KAZN: variants seen among roughly 807,000 people sequenced by gnomAD.
KAZN encodes the protein kazrin.
A neutral mutation model predicts 87.4 loss-of-function variants in KAZN; 40 were observed. That is an observed-to-expected ratio of 0.46 (90% CI 0.36 to 0.60). The LOEUF (loss-of-function observed/expected upper bound fraction) is 0.60, where lower values mean the gene tolerates loss of function less well. Among genes scored for constraint, KAZN ranks in the 20% least tolerant of loss-of-function variants. KAZN has a pLI of 0.00. For synonymous variants in KAZN, 466 were observed against 458.3 expected (o/e 1.02, Z -0.22); for missense variants, 898 against 1,073.9 (o/e 0.84, Z 2.29).
In KAZN at chr1:14,986,919, G is replaced by A. The variant is rs560880164; in HGVS notation, c.418+26044G>A. On this transcript the variant is annotated intron_variant, in intron 2 of 14. Transcript: ENST00000376030. The stretch of plus-strand genomic sequence containing the variant: ...TCTATCCAATTTAATCAAATTCACG[G>A]TAGCAGGCACTCTGCCAGGTGTCAG... Among the ~76,000 whole-genome samples, 5 of 152,124 alleles carry A rather than the reference G, an allele frequency of 3.3e-5. No individual in the cohort carries two copies. In the South Asian group the frequency reaches 8.3e-4, roughly 25 times the overall value.
intron 1 of KAZN, among the ~76,000 whole-genome samples, chr1:14,050,733 C>T (rs1557434013): frequency 1.3e-5 from 2 of 152,174 alleles, no homozygotes; most frequent in Non-Finnish European, 2.9e-5. Flanking sequence ...CCTCCACTTC[C>T]CCCATTGAGC....
At chr1:14,658,660 C>G (rs1246310715) in intron 1 of KAZN, among the ~76,000 whole-genome samples, 9 of 148,288 alleles carry the variant, frequency 6.1e-5, no homozygotes. Flanking sequence ...GTTTGGCTCT[C>G]TAAGCCATCT....
intron 2 of KAZN, among the ~76,000 whole-genome samples, chr1:15,006,066 T>C (rs1263494698): frequency 6.6e-6 from 1 of 152,160 alleles, no homozygotes; most frequent in Non-Finnish European, 1.5e-5. Flanking sequence ...TCAGAGACAG[T>C]TCCCACCCCC....
intron 2 of KAZN, among the ~76,000 whole-genome samples, chr1:14,422,609 C>T (rs1665497752): frequency 6.6e-6 from 1 of 152,220 alleles, no homozygotes; most frequent in African/African-American, 2.4e-5. Context: ...CAGCTGCCCC[C>T]TGAAGGGTTG....
chr1:14,937,319 G>A (rs10927586), intron 1 of KAZN, among the ~76,000 whole-genome samples: 25,004 of 152,094 alleles, frequency 0.16, 2,235 homozygotes, highest in Admixed American at 0.24. Flanking sequence ...CTTGGGGCCA[G>A]CTCCCTTTCT....
intron 2 of KAZN, among the ~76,000 whole-genome samples, chr1:14,406,208 C>G (rs569994603): frequency 6.6e-6 from 1 of 152,042 alleles, no homozygotes; most frequent in Admixed American, 6.6e-5. Context: ...ATCTCAGGTA[C>G]CCCCTACATA....
At chr1:14,455,639 T>C (rs916481187) in intron 2 of KAZN, among the ~76,000 whole-genome samples, 1 of 152,190 alleles carries the variant, frequency 6.6e-6, no homozygotes, top group African/African-American at 2.4e-5. Context: ...CATGTGGTGT[T>C]CCAGAAGAGA....
At chr1:14,064,449 C>G (rs897980710) in intron 1 of KAZN, among the ~76,000 whole-genome samples, 1 of 152,246 alleles carries the variant, frequency 6.6e-6, no homozygotes, top group South Asian at 2.1e-4. Flanking sequence ...GCTGCAGCCT[C>G]TCAGACTTGG....
chr1:15,099,627 G>A lies in KAZN; in HGVS notation c.1548-1916G>A, dbSNP rs1025368129. 1.3e-5 allele frequency among the ~76,000 whole-genome samples: 2 copies of A among 152,184 alleles called. No homozygotes were observed. The highest frequency in any genetic ancestry group is 6.5e-5 in the Admixed American group (1 of 15,282). On this transcript the variant is annotated intron_variant, in intron 10 of 14. Transcript: ENST00000376030. This position sits in a 1 kb window ranked among gnomAD's most constrained non-coding sequence, Gnocchi z 5.4. ...ATGTGCGTTGGGGGAGGGGAAGTCA[G>A]CCAGGGCCAGTGCAGGTGACCCTTG... is the stretch of plus-strand genomic sequence containing the variant.
chr1:14,438,826 C>T (rs1187495980), intron 2 of KAZN, among the ~76,000 whole-genome samples: 2 of 152,226 alleles, frequency 1.3e-5, no homozygotes, highest in African/African-American at 2.4e-5. Context: ...CAAAGTTCCT[C>T]GTGGCTGATA....
At chr1:14,819,166 T>C (rs1298821788) in intron 1 of KAZN, among the ~76,000 whole-genome samples, 1 of 152,190 alleles carries the variant, frequency 6.6e-6, no homozygotes, top group Non-Finnish European at 1.5e-5. Flanking sequence ...AAGCAACTAA[T>C]GATGGGCTAA....
At chr1:14,439,686 G>T (rs1031282584) in intron 2 of KAZN, among the ~76,000 whole-genome samples, 6 of 152,144 alleles carry the variant, frequency 3.9e-5, no homozygotes, top group African/African-American at 1.2e-4. Flanking sequence ...TAATTTAAAT[G>T]AAAATAGTCA....
At chr1:14,276,706 C>A (rs557167137) in intron 2 of KAZN, among the ~76,000 whole-genome samples, 2 of 152,304 alleles carry the variant, frequency 1.3e-5, no homozygotes, top group East Asian at 1.9e-4. Flanking sequence ...TCACAGCTCA[C>A]CTTAATGACC....
intron 2 of KAZN, among the ~76,000 whole-genome samples, chr1:14,234,907 T>C (rs939790330): frequency 6.6e-6 from 1 of 152,230 alleles, no homozygotes; most frequent in Non-Finnish European, 1.5e-5. Flanking sequence ...GAAGGAATCT[T>C]CAAAATGGAA....
intron 1 of KAZN, among the ~76,000 whole-genome samples, chr1:14,031,757 C>CT (rs1316281378): frequency 2.0e-5 from 3 of 152,188 alleles, no homozygotes; most frequent in African/African-American, 7.2e-5. Context: ...TGAGACTCTG[C>CT]TTCAAGGGCA....
intron 1 of KAZN, among the ~76,000 whole-genome samples, chr1:14,781,044 C>T (rs1038287460): frequency 2.6e-5 from 4 of 152,056 alleles, no homozygotes; most frequent in Admixed American, 6.6e-5. Flanking sequence ...GAAACTTGGC[C>T]GGGCGCGGAG....
At chr1:14,510,766 G>T (rs369656039) in intron 2 of KAZN, among the ~76,000 whole-genome samples, 2 of 152,192 alleles carry the variant, frequency 1.3e-5, no homozygotes, top group Non-Finnish European at 2.9e-5. Context: ...CTTGGCTTAG[G>T]GGGTGGCTGT....
At chr1:14,529,230 G>A (rs1672081461) in intron 2 of KAZN, among the ~76,000 whole-genome samples, 1 of 152,206 alleles carries the variant, frequency 6.6e-6, no homozygotes, top group Admixed American at 6.5e-5. Context: ...CTTGAACCTG[G>A]GAGGCAGAGG....
At position 14,735,716 on chromosome 1, in the gene KAZN, C is replaced by T. The variant is rs1309359378; in HGVS notation, c.226+136493C>T. 1.3e-5 allele frequency among the ~76,000 whole-genome samples: 2 copies of T among 152,178 alleles called. No individual in the cohort carries two copies. The highest frequency in any genetic ancestry group is 6.5e-5 in the Admixed American group (1 of 15,280). ...CCCGACCTGTTCCAGATTTCCAAAG[C>T]GGCATGCCGGGTAATAGCCACTCTT... On this transcript the variant is annotated intron_variant, in intron 1 of 14. Coordinates refer to ENST00000376030, the MANE Select transcript of KAZN (RefSeq NM_201628.3). The surrounding 1 kb of genome is among the most constrained non-coding windows in gnomAD (Gnocchi z 4.3).
Sources: allele counts gnomAD v4.1 joint callset (sites outside exome capture counted in the v4.1 genomes callset), GRCh38; gene constraint gnomAD v4.1.1; non-coding constraint Gnocchi (gnomAD v3.1); transcripts MANE v1.5; gene names NCBI Gene and HGNC (gene_info 2026-07-23, HGNC 2026-07-21).